Variants in ZNF124 observed in about 807,000 individuals in gnomAD.
ZNF124 encodes zinc finger protein HZF-16.
Under a neutral mutation model 26.6 loss-of-function variants are expected in ZNF124, and 25 were observed. That is an observed-to-expected ratio of 0.94 (90% CI 0.68 to 1.31). The LOEUF (loss-of-function observed/expected upper bound fraction) is 1.31, where lower values mean the gene tolerates loss of function less well. ZNF124 is among the 40% of genes most tolerant of loss of function. The pLI is 0.00. For missense variants in ZNF124, 444 were observed against 422.2 expected, an observed-to-expected ratio of 1.05 and a Z score of -0.45; for synonymous variants, 129 against 133.3, an observed-to-expected ratio of 0.97 and a Z score of 0.22.
intron 3 of ZNF124, chr1:247,138,700 T>C (rs114134701): frequency 0.023 from 8,969 of 398,594 alleles, 138 homozygotes; most frequent in Non-Finnish European, 0.032. Context: ...GGTACATACA[T>C]AGACCCAAAA....
In ZNF124 at chr1:247,156,574, T is replaced by C; in HGVS notation, c.1048A>G (p.Lys350Glu). 6.5e-7 allele frequency: 1 copy of C among 1,531,430 alleles called. No individual in the cohort carries two copies. Among genetic ancestry groups the C allele is most frequent in the Non-Finnish European group, 8.7e-7 (1 of 1,145,802 alleles). 94.9% of individuals were successfully genotyped at this position (1,531,430 alleles called of 1,614,324 possible). Residue 350 changes from lysine (K) to glutamate (E), a missense_variant, in exon 4 of 4, where the codon AAA (lysine) becomes GAA (glutamate). Transcript: ENST00000543802. ...HTGEKPYKCK[K>E]M is the part of the protein sequence containing the mutation. ...TGTAGTGATTAAAGCCTTTACATTT[T>C]TTTACATTTATAGGGCTTTTCTCCA...
chr1:247,143,578 T>TG (rs1672683768), intron 3 of ZNF124, among the ~76,000 whole-genome samples: 2 of 152,220 alleles, frequency 1.3e-5, no homozygotes, highest in South Asian at 4.1e-4. Flanking sequence ...AACCCTACCC[T>TG]GTTCCACCAG....
At chr1:247,133,593 T>G (rs1368303726) in intron 3 of ZNF124, among the ~76,000 whole-genome samples, 1 of 151,386 alleles carries the variant, frequency 6.6e-6, no homozygotes, top group African/African-American at 2.4e-5. Flanking sequence ...GGTAGACATC[T>G]CAGCAGAAAC....
intron 1 of ZNF124, among the ~76,000 whole-genome samples, chr1:247,160,177 G>A (rs1673404089): frequency 6.6e-6 from 1 of 152,042 alleles, no homozygotes; most frequent in South Asian, 2.1e-4. Context: ...GTAGAGACAG[G>A]ATTTCACCAT....
intron 3 of ZNF124, among the ~76,000 whole-genome samples, chr1:247,131,749 C>G (rs1572057809): frequency 6.6e-6 from 1 of 152,110 alleles, no homozygotes; most frequent in African/African-American, 2.4e-5. Context: ...ATAACTCCAG[C>G]CAGATGCTCA....
chr1:247,123,798 G>T (rs1672138471), exon 4 of ZNF124: 2 of 681,108 alleles, frequency 2.9e-6, no homozygotes, highest in African/African-American at 4.0e-5. Flanking sequence ...TTAATCCTGA[G>T]TCCCAGCCCA....
downstream of ZNF124, among the ~76,000 whole-genome samples, chr1:247,151,398 G>C (rs1672937359): frequency 6.6e-6 from 1 of 150,776 alleles, no homozygotes; most frequent in Non-Finnish European, 1.5e-5. Context: ...AGAATGGCGT[G>C]AACTCGGGAG....
At chr1:247,136,560 C>T (rs1259939556) in intron 3 of ZNF124, among the ~76,000 whole-genome samples, 1 of 152,160 alleles carries the variant, frequency 6.6e-6, no homozygotes, top group African/African-American at 2.4e-5. Context: ...ACAAAAATGG[C>T]CACACTGCCC....
chr1:247,167,052 G>A (rs1042688756), intron 1 of ZNF124, among the ~76,000 whole-genome samples: 2 of 152,254 alleles, frequency 1.3e-5, no homozygotes, highest in Middle Eastern at 6.8e-3. Context: ...CTATTGCAAC[G>A]GATGCAGGAA....
chr1:247,125,275 T>C (rs960194465), intron 3 of ZNF124, among the ~76,000 whole-genome samples: 4 of 152,088 alleles, frequency 2.6e-5, no homozygotes, highest in Non-Finnish European at 4.4e-5. Context: ...TATCTGTACC[T>C]GGGGGTGGAG....
Position 247,156,435 on chromosome 1 carries a change from C to A in ZNF124, c.*131G>T. 5 of 1,339,772 alleles carry A rather than the reference C, an allele frequency of 3.7e-6. No individual in the cohort carries two copies. The highest frequency in any genetic ancestry group is 4.8e-6 in the Non-Finnish European group (5 of 1,046,044). The allele number at this position is 1,339,772 out of a possible 1,614,324, so 83.0% of individuals were successfully genotyped here. A position where few individuals can be genotyped will look rare whatever the true frequency, so the allele number is the denominator to read the frequency against. On this transcript the variant is annotated 3_prime_UTR_variant, in exon 4 of 4. Transcript: ENST00000543802. The stretch of plus-strand genomic sequence containing the variant: ...TTGCTTATAGTCATAGGGTTTATCT[C>A]CAGTTTGATTCGTTTCATGTATTTG...
At chr1:247,170,485 A>G (rs1267191532) in intron 1 of ZNF124, among the ~76,000 whole-genome samples, 1 of 148,322 alleles carries the variant, frequency 6.7e-6, no homozygotes, top group Non-Finnish European at 1.5e-5. Flanking sequence ...TGCAGGGGAA[A>G]CCAGTACCCT....
At chr1:247,125,459 T>TTTTTTTTTTTTTTTTTTC in intron 3 of ZNF124, among the ~76,000 whole-genome samples, 1 of 132,540 alleles carries the variant, frequency 7.5e-6, no homozygotes, top group Non-Finnish European at 1.6e-5. Context: ...TTTTTTTTTT[T>TTTTTTTTTTTTTTTTTTC]TTTGAGGCAG....
rs77792634 is a variant in ZNF124, at chr1:247,159,133, G to A, written c.158-67C>T. Reference sequence around the variant, plus strand: ...TTATAGAAAAATTACTAGACTCTAGGTGCTATGTTGGGGATATGGTTTGTA... The same window carrying A: ...TTATAGAAAAATTACTAGACTCTAGATGCTATGTTGGGGATATGGTTTGTA... On this transcript the variant is annotated intron_variant, in intron 2 of 3. Transcript: ENST00000543802. The A allele has an allele frequency of 4.9e-3, 7,119 of 1,459,868 alleles. 340 individuals carry two copies. The African/African-American group carries it at 0.092, about 19-fold the overall frequency. 90.4% of individuals were successfully genotyped at this position (1,459,868 alleles called of 1,614,324 possible). A position where few individuals can be genotyped will look rare whatever the true frequency, so the allele number is the denominator to read the frequency against.
downstream of ZNF124, among the ~76,000 whole-genome samples, chr1:247,151,530 A>AT (rs1349167143): frequency 2.0e-5 from 3 of 152,120 alleles, no homozygotes; most frequent in East Asian, 5.8e-4. Context: ...ACCCTAGGAA[A>AT]TTCACACGTT....
chr1:247,159,976 GTTCTTTTTT>G, intron 1 of ZNF124, 163 bp from the exon 2 acceptor site: 2 of 246,190 alleles, frequency 8.1e-6, no homozygotes, highest in South Asian at 1.5e-4. Flanking sequence ...CCACATAGCA[GTTCTTTTTT>G]TTTTTTTTTT....
In ZNF124 at chr1:247,157,407, T is replaced by G. The variant is rs527653553; in HGVS notation, c.219-4A>C. 1.3e-6 allele frequency: 2 copies of G among 1,551,928 alleles called. No individual in the cohort carries two copies. The highest frequency in any genetic ancestry group is 2.7e-5 in the African/African-American group (2 of 73,174). ...TCCAGAATGAGATATGATGTGCCTA[T>G]GAAGGGATGAATGACGTATGAAGAA... On this transcript the variant is annotated splice_polypyrimidine_tract_variant and splice_region_variant and intron_variant, in intron 3 of 3. Transcript: ENST00000543802.
intron 3 of ZNF124, among the ~76,000 whole-genome samples, chr1:247,143,073 A>C (rs745340073): frequency 4.6e-5 from 7 of 152,056 alleles, no homozygotes; most frequent in South Asian, 2.1e-4. Context: ...AGAGAGAGCT[A>C]TTTTCTCCTC....
At chr1:247,147,166 T>C (rs1227640270) in intron 3 of ZNF124, among the ~76,000 whole-genome samples, 1 of 64,026 alleles carries the variant, frequency 1.6e-5, no homozygotes. Flanking sequence ...TTTTAGCAAG[T>C]TTTTTTTTTT....
Sources: allele counts gnomAD v4.1 joint callset (sites outside exome capture counted in the v4.1 genomes callset), GRCh38; gene constraint gnomAD v4.1.1; transcripts MANE v1.5; gene names NCBI Gene and HGNC (gene_info 2026-07-23, HGNC 2026-07-21).